RBPJ: variants seen among roughly 807,000 people sequenced by gnomAD.
The protein encoded by RBPJ is recombination signal binding protein for immunoglobulin kappa J region, also known as recombining binding protein suppressor of hairless.
In RBPJ, 9 loss-of-function variants were observed where a neutral mutation model predicts 67.8. That is an observed-to-expected ratio of 0.13 (90% confidence interval 0.08 to 0.23). The LOEUF is 0.23. Among genes scored for constraint, RBPJ ranks in the 10% least tolerant of loss-of-function variants. The probability of loss-of-function intolerance (pLI) is 1.00; values close to 1 mark genes in which losing one functional copy is unlikely to be tolerated. For missense variants in RBPJ, 305 were observed against 595.6 expected (o/e 0.51, Z 5.08); for synonymous variants, 198 against 203.3 (o/e 0.97, Z 0.22).
intron 1 of RBPJ, among the ~76,000 whole-genome samples, chr4:26,382,632 C>T (rs1301198185): frequency 6.6e-6 from 1 of 152,142 alleles, no homozygotes; most frequent in East Asian, 1.9e-4. Context: ...AGCCTCCATT[C>T]CCAGGCTCAG....
chr4:26,227,769 C>T (rs775722766), intron 1 of RBPJ, among the ~76,000 whole-genome samples: 9 of 152,228 alleles, frequency 5.9e-5, no homozygotes, highest in Non-Finnish European at 1.0e-4. Context: ...GCTTGAGTCG[C>T]GGAGCGTCCG....
intron 1 of RBPJ, among the ~76,000 whole-genome samples, chr4:26,250,832 A>G (rs1229592536): frequency 6.6e-6 from 1 of 152,220 alleles, no homozygotes; most frequent in Non-Finnish European, 1.5e-5. Flanking sequence ...CACTGTGGAC[A>G]TCTTTTCAAG....
the RBPJ span, among the ~76,000 whole-genome samples, chr4:26,105,701 A>T: frequency 6.6e-6 from 1 of 152,252 alleles, no homozygotes; most frequent in Non-Finnish European, 1.5e-5. Context: ...AAAAACAAGA[A>T]CAAAAACATG....
chr4:26,210,686 C>CTTTCTTTCTTT (rs56289492), intron 1 of RBPJ, among the ~76,000 whole-genome samples: 4,688 of 64,254 alleles, frequency 0.073, 660 homozygotes, highest in East Asian at 0.11. Context: ...TTCTTTCTTT[C>CTTTCTTTCTTT]CTTTCTTTCT....
intron 7 of RBPJ, among the ~76,000 whole-genome samples, chr4:26,428,076 T>C (rs1386996255): frequency 6.6e-6 from 1 of 152,248 alleles, no homozygotes; most frequent in Non-Finnish European, 1.5e-5. Flanking sequence ...GCTACTAAAC[T>C]GGTAATTTTG....
chr4:26,320,940 G>GA, upstream of RBPJ: 3 of 1,575,876 alleles, frequency 1.9e-6, no homozygotes, highest in South Asian at 3.3e-5. Context: ...GAGGAGTGAG[G>GA]AAAAAGGGAA....
chr4:26,273,903 C>G (rs955691943), intron 1 of RBPJ, among the ~76,000 whole-genome samples: 2 of 152,182 alleles, frequency 1.3e-5, no homozygotes, highest in Non-Finnish European at 2.9e-5. Flanking sequence ...TCCGATTAGG[C>G]CCGGCTTTAC....
At chr4:26,425,449 C>T (rs1440311565) in intron 7 of RBPJ, among the ~76,000 whole-genome samples, 3 of 151,320 alleles carry the variant, frequency 2.0e-5, no homozygotes, top group Non-Finnish European at 4.4e-5. Context: ...TTACCACTGA[C>T]CCCGCCCCCC....
chr4:26,349,863 T>C (rs772433465), intron 1 of RBPJ, among the ~76,000 whole-genome samples: 2 of 152,238 alleles, frequency 1.3e-5, no homozygotes, highest in African/African-American at 2.4e-5. Context: ...CTGTTGCTAA[T>C]GTAAGATGGA....
intron 1 of RBPJ, among the ~76,000 whole-genome samples, chr4:26,175,218 G>A (rs1022965382): frequency 2.0e-5 from 3 of 152,174 alleles, no homozygotes; most frequent in Non-Finnish European, 4.4e-5. Context: ...TCCTGAAGCC[G>A]ACGACAGCTG....
chr4:26,292,803 T>C, intron 1 of RBPJ, among the ~76,000 whole-genome samples: 1 of 150,564 alleles, frequency 6.6e-6, no homozygotes, highest in East Asian at 2.0e-4. Context: ...TATACATATA[T>C]ATATATATGG....
intron 1 of RBPJ, among the ~76,000 whole-genome samples, chr4:26,365,936 T>G (rs1194823649): frequency 6.6e-6 from 1 of 152,264 alleles, no homozygotes; most frequent in Non-Finnish European, 1.5e-5. Context: ...TTGGCATGTA[T>G]TGTGATGGTT....
intron 1 of RBPJ, among the ~76,000 whole-genome samples, chr4:26,189,773 G>T (rs748808022): frequency 2.0e-5 from 3 of 152,174 alleles, no homozygotes; most frequent in Non-Finnish European, 2.9e-5. Context: ...TCTATCTGTA[G>T]GTTTTATCAT....
chr4:26,293,747 T>C (rs1721754393), intron 1 of RBPJ, among the ~76,000 whole-genome samples: 1 of 137,694 alleles, frequency 7.3e-6, no homozygotes, highest in Non-Finnish European at 1.6e-5. Flanking sequence ...TAGACATGTA[T>C]ATGAGAAGTG....
intron 1 of RBPJ, among the ~76,000 whole-genome samples, chr4:26,382,431 T>A (rs1461433896): frequency 6.6e-6 from 1 of 152,250 alleles, no homozygotes; most frequent in African/African-American, 2.4e-5. Context: ...AGGATGCATG[T>A]AGTACCTTAG....
intron 1 of RBPJ, among the ~76,000 whole-genome samples, chr4:26,204,155 C>T (rs931317790): frequency 1.6e-4 from 24 of 152,030 alleles, no homozygotes; most frequent in African/African-American, 5.6e-4. Context: ...ACCATGTTGC[C>T]TAAGCTGGTC....
At chr4:26,356,263 T>C (rs1219584809) in intron 1 of RBPJ, among the ~76,000 whole-genome samples, 1 of 152,222 alleles carries the variant, frequency 6.6e-6, no homozygotes, top group Admixed American at 6.5e-5. Flanking sequence ...GCTTGTGGCC[T>C]AGGTAAGCCT....
intron 1 of RBPJ, among the ~76,000 whole-genome samples, chr4:26,244,159 A>G (rs762351014): frequency 0.039 from 4,284 of 111,024 alleles, 129 homozygotes; most frequent in African/African-American, 0.065. Context: ...ACATATATGT[A>G]TATATATATG....
In RBPJ at chr4:26,424,103, T is replaced by C. The variant is rs1735406971; in HGVS notation, c.497-239T>C. Among the ~76,000 whole-genome samples, 1 of 152,220 alleles carries C rather than the reference T, an allele frequency of 6.6e-6. No homozygotes were observed. Among genetic ancestry groups the C allele is most frequent in the Non-Finnish European group, 1.5e-5 (1 of 68,038 alleles). On this transcript the variant is annotated intron_variant, in intron 5 of 10. Coordinates refer to ENST00000355476, the MANE Select transcript of RBPJ (RefSeq NM_015874.6). This position sits in a 1 kb window ranked among gnomAD's most constrained non-coding sequence, Gnocchi z 5.3. ...AATCAGCACCACATTAAACATACTGTGTAGCTTTCACTTTAAAATTATTTT... is the reference window on the plus strand; with the variant it reads ...AATCAGCACCACATTAAACATACTGCGTAGCTTTCACTTTAAAATTATTTT...
Sources: gnomAD v4.1 joint callset for allele counts (sites outside exome capture counted in the v4.1 genomes callset) on GRCh38, gnomAD v4.1.1 for gene constraint, Gnocchi (gnomAD v3.1) non-coding constraint, MANE v1.5 for transcripts, NCBI Gene and HGNC (gene_info 2026-07-23, HGNC 2026-07-21) for gene names.